ADSS2: variants seen among roughly 807,000 people sequenced by gnomAD.
ADSS2 encodes the protein adenylosuccinate synthase 2, also known as adenylosuccinate synthetase isozyme 2.
ADSS2 carries 30 observed loss-of-function variants against 60.0 expected under a neutral mutation model. That is an observed-to-expected ratio of 0.50 (90% CI 0.37 to 0.68). The LOEUF is 0.68. Among genes scored for constraint, ADSS2 ranks in the 30% least tolerant of loss-of-function variants. The probability of loss-of-function intolerance (pLI) is 0.00; values close to 1 mark genes in which losing one functional copy is unlikely to be tolerated. For missense variants in ADSS2, 373 were observed against 554.8 expected (o/e 0.67, Z 3.29); for synonymous variants, 187 against 193.1 (o/e 0.97, Z 0.26).
At chr1:244,438,010 G>C (rs930021502) in intron 1 of ADSS2, among the ~76,000 whole-genome samples, 1 of 152,022 alleles carries the variant, frequency 6.6e-6, no homozygotes, top group Non-Finnish European at 1.5e-5. Context: ...GTTTCTGAAA[G>C]ACAGAAAATC....
intron 4 of ADSS2, among the ~76,000 whole-genome samples, chr1:244,430,768 C>T (rs1211929560): frequency 6.6e-6 from 1 of 152,172 alleles, no homozygotes; most frequent in Non-Finnish European, 1.5e-5. Flanking sequence ...AAAAATGCTA[C>T]AAAAGTACTT....
rs1369129996 is a variant in ADSS2, at chr1:244,409,603, T to C, written c.1354A>G (p.Met452Val). The C allele has an allele frequency of 8.1e-6, 13 of 1,609,782 alleles. No individual in the cohort carries two copies. In the African/African-American group the frequency reaches 9.4e-5, roughly 12 times the overall value. ...WIGVGKSRES[M>V]IQLF Reference sequence around the variant, plus strand: ...GGCAATCATTAAAAGAGTTGAATCATAGATTCTCTGGATTTACCAACACCA... The same window carrying C: ...GGCAATCATTAAAAGAGTTGAATCACAGATTCTCTGGATTTACCAACACCA... Residue 452 changes from methionine to valine, a missense_variant, in exon 13 of 13, where the codon ATG becomes GTG. Coordinates refer to ENST00000366535, the MANE Select transcript of ADSS2 (RefSeq NM_001126.5).
intron 2 of ADSS2, 65 bp downstream of exon 2, chr1:244,437,600 TA>T: frequency 8.6e-7 from 1 of 1,163,608 alleles, no homozygotes; most frequent in Non-Finnish European, 1.3e-6. Flanking sequence ...GTTTTGACAA[TA>T]AAAAATAAAC....
chr1:244,436,928 T>A (rs1665116656), intron 2 of ADSS2, 35 bp from the exon 3 acceptor site: 1 of 1,558,402 alleles, frequency 6.4e-7, no homozygotes, highest in African/African-American at 1.4e-5. Context: ...ACGGTAAACA[T>A]CTATAACTCA....
chr1:244,451,910 G>C (rs1294546810), upstream of ADSS2: 2 of 1,315,784 alleles, frequency 1.5e-6, no homozygotes, highest in Non-Finnish European at 1.0e-6. The surrounding 1 kb of genome is among the most constrained non-coding windows in gnomAD (Gnocchi z 6.6). Context: ...ACATGCAGAG[G>C]AAGAAGGAGC....
intron 3 of ADSS2, among the ~76,000 whole-genome samples, chr1:244,435,587 CCTCCACCTCTGTCCTT>C (rs1047779216): frequency 1.2e-3 from 183 of 151,988 alleles, no homozygotes; most frequent in African/African-American, 4.1e-3. Flanking sequence ...CCTTCATCCT[CCTCCACCTCTGTCCTT>C]CTCTTCTTCC....
chr1:244,423,751 A>G (rs1430452103), intron 6 of ADSS2, among the ~76,000 whole-genome samples: 1 of 152,152 alleles, frequency 6.6e-6, no homozygotes, highest in Non-Finnish European at 1.5e-5. Context: ...CTATTAAATC[A>G]CCGTCATGTT....
intron 8 of ADSS2, among the ~76,000 whole-genome samples, chr1:244,419,628 G>A (rs1161962953): frequency 3.3e-5 from 5 of 152,150 alleles, no homozygotes; most frequent in African/African-American, 1.2e-4. Flanking sequence ...AGAACAATCA[G>A]ACTAATCATG....
chr1:244,430,232 T>C (rs1664907468), intron 4 of ADSS2, among the ~76,000 whole-genome samples: 1 of 152,248 alleles, frequency 6.6e-6, no homozygotes, highest in South Asian at 2.1e-4. Flanking sequence ...ACTACTTTGT[T>C]GTTTTGTTTT....
intron 1 of ADSS2, among the ~76,000 whole-genome samples, chr1:244,449,497 C>T (rs1405308667): frequency 6.6e-6 from 1 of 152,206 alleles, no homozygotes; most frequent in East Asian, 1.9e-4. Flanking sequence ...TACACACTCA[C>T]TAAGAACTTC....
intron 7 of ADSS2, among the ~76,000 whole-genome samples, chr1:244,420,701 ATT>A (rs962577975): frequency 7.9e-5 from 12 of 151,956 alleles, no homozygotes; most frequent in Admixed American, 6.6e-4. Context: ...AAAACCATAA[ATT>A]TTTTATTTTA....
intron 6 of ADSS2, 62 bp downstream of exon 6, chr1:244,423,891 A>T (rs544112122): frequency 4.4e-5 from 60 of 1,365,210 alleles, no homozygotes; most frequent in Non-Finnish European, 5.7e-5. Flanking sequence ...TTTGCACCCT[A>T]GATTTTAAAA....
chr1:244,419,684 AGTT>A (rs1664633096), intron 8 of ADSS2, among the ~76,000 whole-genome samples: 1 of 152,222 alleles, frequency 6.6e-6, no homozygotes, highest in Non-Finnish European at 1.5e-5. Flanking sequence ...ATGAGGCAGT[AGTT>A]TGACAAAAGA....
intron 1 of ADSS2, among the ~76,000 whole-genome samples, chr1:244,439,575 G>A (rs996460533): frequency 6.6e-6 from 1 of 152,140 alleles, no homozygotes; most frequent in Non-Finnish European, 1.5e-5. Context: ...TGGAGGGAAG[G>A]AGCCTCTCCT....
At chr1:244,436,580 TAAGATA>T (rs1166432276) in intron 3 of ADSS2, among the ~76,000 whole-genome samples, 1 of 152,206 alleles carries the variant, frequency 6.6e-6, no homozygotes, top group East Asian at 1.9e-4. Flanking sequence ...CTAGCTATCT[TAAGATA>T]AAGTTTGTAG....
rs1449670656 is a variant in ADSS2 at position 244,417,702 on chromosome 1, A to G, written c.996T>C (p.Thr332=). ...QTRGREFGVT[T]GRKRRCGWLD... ...ACCAGCCACATCTTCTTTTCCTTCC[A>G]GTAGTTACACCAAACTCTCTACCCC... The change falls in exon 10 of 13, where the codon ACT becomes ACC. Residue 332 remains threonine (T), a synonymous_variant. Transcript: ENST00000366535. 1.9e-6 allele frequency: 3 copies of G among 1,613,188 alleles called. No individual in the cohort carries two copies. The African/African-American group carries it at 4.0e-5, about 22-fold the overall frequency.
At chr1:244,447,660 A>G (rs1028274837) in intron 1 of ADSS2, among the ~76,000 whole-genome samples, 1 of 152,224 alleles carries the variant, frequency 6.6e-6, no homozygotes, top group Non-Finnish European at 1.5e-5. Context: ...AGATTTTAAT[A>G]TAAACAAAGA....
intron 1 of ADSS2, among the ~76,000 whole-genome samples, chr1:244,445,934 G>A (rs1157865058): frequency 2.0e-5 from 3 of 152,118 alleles, no homozygotes; most frequent in African/African-American, 4.8e-5. Context: ...TTAGGCCTCT[G>A]TGTCTTATCT....
intron 1 of ADSS2, among the ~76,000 whole-genome samples, chr1:244,445,681 G>T (rs917061410): frequency 1.3e-5 from 2 of 151,828 alleles, no homozygotes; most frequent in Non-Finnish European, 2.9e-5. Context: ...GGAATTAAAT[G>T]ATATTAGTTT....
Sources: gnomAD v4.1 joint callset for allele counts (sites outside exome capture counted in the v4.1 genomes callset) on GRCh38, gnomAD v4.1.1 for gene constraint, Gnocchi (gnomAD v3.1) non-coding constraint, MANE v1.5 for transcripts, NCBI Gene and HGNC (gene_info 2026-07-23, HGNC 2026-07-21) for gene names.